Variants in CYTIP observed in about 807,000 individuals in gnomAD.
CYTIP encodes the protein cytohesin-interacting protein.
CYTIP carries 26 observed loss-of-function variants against 43.8 expected under a neutral mutation model. The ratio of observed to expected loss-of-function variants is 0.59; its 90% CI spans 0.44 to 0.82. The LOEUF (loss-of-function observed/expected upper bound fraction) is 0.82, where lower values mean the gene tolerates loss of function less well. CYTIP is among the 40% of genes least tolerant of loss of function. CYTIP has a pLI of 0.00. For missense variants in CYTIP, 426 were observed against 443.1 expected, an observed-to-expected ratio of 0.96 and a Z score of 0.35; for synonymous variants, 162 against 162.9, an observed-to-expected ratio of 0.99 and a Z score of 0.04.
chr2:157,433,210 AG>A (rs1481191638), intron 3 of CYTIP, among the ~76,000 whole-genome samples: 1 of 152,186 alleles, frequency 6.6e-6, no homozygotes, highest in Non-Finnish European at 1.5e-5. Context: ...ACAACAGAAT[AG>A]GGAGTAGTTC....
At chr2:157,430,022 C>CAAA (rs768455650) in intron 5 of CYTIP, among the ~76,000 whole-genome samples, 5 of 52,652 alleles carry the variant, frequency 9.5e-5, no homozygotes, top group South Asian at 6.5e-4. Context: ...GACTCCGTCT[C>CAAA]AAAAAAAAAA....
At chr2:157,416,350 A>T (rs1685440512) in intron 7 of CYTIP, among the ~76,000 whole-genome samples, 1 of 152,224 alleles carries the variant, frequency 6.6e-6, no homozygotes, top group South Asian at 2.1e-4. Context: ...TTGTTCATAG[A>T]CCAAGGTTCC....
rs778930005 is a variant in CYTIP at position 157,430,928 on chromosome 2, G to A, written c.314C>T (p.Ser105Leu). ...TTTGCATATCAAAGTGAACATTTCC[G>A]AGGAGCAGGCATTCTGATTCTGGGG... The part of the protein sequence containing the change: ...YRPQNQNACS[S>L]EMFTLICKIQ... Residue 105 changes from serine (S) to leucine (L), a missense_variant, in exon 4 of 8, where the codon TCG becomes TTG. Coordinates refer to ENST00000264192, the MANE Select transcript of CYTIP (RefSeq NM_004288.5). The A allele has an allele frequency of 1.7e-5, 27 of 1,613,698 alleles. No homozygotes were observed. The highest frequency in any genetic ancestry group is 8.9e-5 in the East Asian group (4 of 44,890).
chr2:157,422,403 C>T (rs1685535036), intron 6 of CYTIP, among the ~76,000 whole-genome samples: 1 of 152,140 alleles, frequency 6.6e-6, no homozygotes, highest in African/African-American at 2.4e-5. Context: ...TGCGGTGACT[C>T]ACACCTGTAA....
chr2:157,439,046 C>T (rs1476376235), intron 1 of CYTIP: 2 of 246,902 alleles, frequency 8.1e-6, no homozygotes, highest in Non-Finnish European at 1.9e-5. Context: ...CACTCTACTT[C>T]TAACCTTTCT....
intron 7 of CYTIP, among the ~76,000 whole-genome samples, chr2:157,418,258 A>G (rs1685468064): frequency 6.6e-6 from 1 of 152,194 alleles, no homozygotes; most frequent in Non-Finnish European, 1.5e-5. Flanking sequence ...ATGATTTTCT[A>G]AAATCTCCAG....
chr2:157,444,082 A>G lies in CYTIP; in HGVS notation c.-62T>C, dbSNP rs986874689. 1 of 1,534,998 alleles carries G rather than the reference A, an allele frequency of 6.5e-7. No individual in the cohort carries two copies. Among genetic ancestry groups the G allele is most frequent in the Non-Finnish European group, 8.9e-7 (1 of 1,120,666 alleles). On this transcript the variant is annotated 5_prime_UTR_variant, in exon 1 of 8. Coordinates refer to ENST00000264192, the MANE Select transcript of CYTIP (RefSeq NM_004288.5). ...GTGGCCTTGCAGGATGGGGGAAGCT[A>G]AAAGTACAACTGTGACAAGTAATCA...
intron 1 of CYTIP, among the ~76,000 whole-genome samples, chr2:157,442,953 G>A (rs551562403): frequency 1.3e-5 from 2 of 152,158 alleles, no homozygotes; most frequent in South Asian, 4.2e-4. Context: ...GGGATTTAGA[G>A]CAAGTTGTTT....
intron 7 of CYTIP, 95 bp from the exon 8 acceptor site, chr2:157,416,238 G>A: frequency 9.7e-7 from 1 of 1,026,028 alleles, no homozygotes; most frequent in Admixed American, 2.9e-5. Flanking sequence ...ACACGAGAAA[G>A]AGTAAGGGTG....
intron 1 of CYTIP, among the ~76,000 whole-genome samples, chr2:157,440,500 G>A (rs1343117616): frequency 6.6e-6 from 1 of 152,124 alleles, no homozygotes; most frequent in Admixed American, 6.5e-5. Context: ...ATTGTCATGA[G>A]GTGATTAAAA....
intron 7 of CYTIP, among the ~76,000 whole-genome samples, chr2:157,417,567 T>C (rs987963480): frequency 6.6e-6 from 1 of 152,164 alleles, no homozygotes; most frequent in Non-Finnish European, 1.5e-5. Flanking sequence ...AAGAAGTTTT[T>C]GTATTAAATA....
intron 6 of CYTIP, among the ~76,000 whole-genome samples, chr2:157,426,065 A>G (rs568453942): frequency 2.0e-5 from 3 of 152,202 alleles, no homozygotes; most frequent in African/African-American, 7.2e-5. Flanking sequence ...AGGGAGTTCA[A>G]CAAAACTGGA....
intron 5 of CYTIP, among the ~76,000 whole-genome samples, chr2:157,428,565 T>C (rs1358843809): frequency 6.6e-6 from 1 of 152,238 alleles, no homozygotes; most frequent in East Asian, 1.9e-4. Flanking sequence ...TTTTCCTCAG[T>C]ATTTGTACAG....
chr2:157,418,446 A>T, intron 7 of CYTIP, 77 bp downstream of exon 7: 2 of 1,453,464 alleles, frequency 1.4e-6, no homozygotes, highest in Non-Finnish European at 1.9e-6. Context: ...AATGATGATA[A>T]TCTTAAACCA....
chr2:157,429,354 A>G (rs1458689883), intron 5 of CYTIP, among the ~76,000 whole-genome samples: 1 of 152,168 alleles, frequency 6.6e-6, no homozygotes, highest in African/African-American at 2.4e-5. Flanking sequence ...ATCTCAACTC[A>G]AATATCGCCT....
chr2:157,418,623 A>C (rs986521997), intron 6 of CYTIP, 34 bp from the exon 7 acceptor site: 3 of 1,460,142 alleles, frequency 2.1e-6, no homozygotes, highest in Non-Finnish European at 2.8e-6. Context: ...AAAAGTTTTT[A>C]TTATTAGGAA....
intron 6 of CYTIP, among the ~76,000 whole-genome samples, chr2:157,419,388 A>ACTT (rs1290236057): frequency 5.9e-5 from 9 of 152,148 alleles, no homozygotes; most frequent in Non-Finnish European, 1.0e-4. Flanking sequence ...AAGCACCCTA[A>ACTT]CTTCTTAACT....
chr2:157,416,157 T>G lies in CYTIP; in HGVS notation c.614-14A>C. ...TAGCTGCATCACCTAGAGCACAAAGTCTACTGTGAAATGGATCTGTTCATT... is the reference window on the plus strand; with the variant it reads ...TAGCTGCATCACCTAGAGCACAAAGGCTACTGTGAAATGGATCTGTTCATT... On this transcript the variant is annotated splice_polypyrimidine_tract_variant and intron_variant, in intron 7 of 7. Coordinates refer to ENST00000264192, the MANE Select transcript of CYTIP (RefSeq NM_004288.5). 1.3e-6 allele frequency: 2 copies of G among 1,585,674 alleles called. No individual in the cohort carries two copies. The highest frequency in any genetic ancestry group is 2.3e-5 in the South Asian group (2 of 86,732).
chr2:157,423,474 A>C (rs16841727), intron 6 of CYTIP, among the ~76,000 whole-genome samples: 5,093 of 150,644 alleles, frequency 0.034, 396 homozygotes, highest in East Asian at 0.098. Context: ...TTTAAAAAAA[A>C]CCAGAAATCC....
Sources: gnomAD v4.1 joint callset for allele counts (sites outside exome capture counted in the v4.1 genomes callset) on GRCh38, gnomAD v4.1.1 for gene constraint, MANE v1.5 for transcripts, NCBI Gene and HGNC (gene_info 2026-07-23, HGNC 2026-07-21) for gene names.